Variants in SMARCA2 observed in about 807,000 individuals in gnomAD.
SMARCA2 encodes SWI/SNF-related matrix-associated actin-dependent regulator of chromatin subfamily A member 2.
SMARCA2 carries 61 observed loss-of-function variants against 199.8 expected under a neutral mutation model. The ratio of observed to expected loss-of-function variants is 0.31; its 90% CI spans 0.25 to 0.38. The LOEUF (loss-of-function observed/expected upper bound fraction) is 0.38. Ranked by LOEUF, SMARCA2 falls within the 10% of genes least tolerant of loss-of-function variation. The pLI is 1.00. For missense variants in SMARCA2, 1,344 were observed against 2,012.2 expected (o/e 0.67, Z 6.35); for synonymous variants, 935 against 732.0 (o/e 1.28, Z -4.48).
chr9:2,127,801 G>A (rs1823762348), intron 27 of SMARCA2, among the ~76,000 whole-genome samples: 1 of 152,162 alleles, frequency 6.6e-6, no homozygotes, highest in South Asian at 2.1e-4. Flanking sequence ...TGCCAGTGGT[G>A]TTTTGGTTTC....
chr9:2,060,117 C>CA (rs1820518284), intron 8 of SMARCA2, among the ~76,000 whole-genome samples: 3 of 37,868 alleles, frequency 7.9e-5, no homozygotes, highest in Admixed American at 4.4e-4. Flanking sequence ...AGATCTGTGG[C>CA]CAAAAAAAAA....
intron 27 of SMARCA2, among the ~76,000 whole-genome samples, chr9:2,141,980 A>T (rs1289489214): frequency 6.6e-6 from 1 of 152,060 alleles, no homozygotes; most frequent in East Asian, 1.9e-4. Flanking sequence ...AGGTGATGAG[A>T]CCTGCCCGTG....
intron 32 of SMARCA2, among the ~76,000 whole-genome samples, chr9:2,186,873 T>G (rs1827496265): frequency 6.6e-6 from 1 of 152,160 alleles, no homozygotes; most frequent in Non-Finnish European, 1.5e-5. Context: ...CTACTACACA[T>G]TTTCTACAAC....
intron 19 of SMARCA2, among the ~76,000 whole-genome samples, chr9:2,090,748 C>A (rs561636587): frequency 6.6e-6 from 1 of 151,962 alleles, no homozygotes; most frequent in African/African-American, 2.4e-5. Flanking sequence ...TTCCGGTAGC[C>A]CCCCCACATC....
At chr9:2,095,064 C>T (rs1207487174) in intron 19 of SMARCA2, among the ~76,000 whole-genome samples, 1 of 151,724 alleles carries the variant, frequency 6.6e-6, no homozygotes, top group African/African-American at 2.4e-5. Context: ...ACAATTATAC[C>T]TCAATACAGC....
At chr9:2,157,222 T>C (rs1825413524) in intron 27 of SMARCA2, among the ~76,000 whole-genome samples, 1 of 152,250 alleles carries the variant, frequency 6.6e-6, no homozygotes, top group Admixed American at 6.5e-5. Flanking sequence ...TTTGTTGCCA[T>C]TGCTTTTCTT....
chr9:2,163,723 C>T (rs1825802726), intron 28 of SMARCA2, among the ~76,000 whole-genome samples: 5 of 152,100 alleles, frequency 3.3e-5, no homozygotes, highest in Admixed American at 2.0e-4. Context: ...TCATTACTTG[C>T]TGAGTGAGTC....
intron 27 of SMARCA2, among the ~76,000 whole-genome samples, chr9:2,137,725 A>G (rs13283799): frequency 0.16 from 24,050 of 152,202 alleles, 3,809 homozygotes; most frequent in African/African-American, 0.41. Flanking sequence ...CTTGACTGCT[A>G]TGTCCTGGTA....
At chr9:2,146,282 G>T (rs1468324702) in intron 27 of SMARCA2, among the ~76,000 whole-genome samples, 1 of 152,084 alleles carries the variant, frequency 6.6e-6, no homozygotes, top group Non-Finnish European at 1.5e-5. Context: ...CCTCCCAAAG[G>T]CCCCACCTCC....
intron 1 of SMARCA2, among the ~76,000 whole-genome samples, chr9:2,025,789 T>A (rs1010283494): frequency 6.6e-6 from 1 of 152,196 alleles, no homozygotes; most frequent in African/African-American, 2.4e-5. Flanking sequence ...ACTTGAACTG[T>A]AAAATAAAAT....
At chr9:2,108,471 GTTC>G (rs1355356139) in intron 23 of SMARCA2, among the ~76,000 whole-genome samples, 2 of 152,326 alleles carry the variant, frequency 1.3e-5, no homozygotes, top group East Asian at 3.9e-4. Flanking sequence ...TTATCAGCTG[GTTC>G]ATTTTCAGTT....
intron 9 of SMARCA2, among the ~76,000 whole-genome samples, chr9:2,065,017 T>C (rs574538827): frequency 6.6e-6 from 1 of 152,138 alleles, no homozygotes; most frequent in East Asian, 1.9e-4. Context: ...ACCCCATCTC[T>C]ACTAAAAAAT....
intron 19 of SMARCA2, among the ~76,000 whole-genome samples, chr9:2,096,022 C>T (rs1822260980): frequency 2.6e-5 from 4 of 152,164 alleles, no homozygotes; most frequent in Admixed American, 2.6e-4. Context: ...GGTATTTCAA[C>T]TGGAAGCACA....
chr9:2,138,554 T>G (rs1824316549), intron 27 of SMARCA2, among the ~76,000 whole-genome samples: 1 of 152,232 alleles, frequency 6.6e-6, no homozygotes, highest in African/African-American at 2.4e-5. Context: ...AAGTTGAGCT[T>G]TACCAAGGCT....
intron 27 of SMARCA2, among the ~76,000 whole-genome samples, chr9:2,142,198 C>G (rs1178756885): frequency 2.0e-5 from 3 of 152,180 alleles, no homozygotes; most frequent in African/African-American, 7.2e-5. Context: ...TCTTGGGTGA[C>G]ACTGGACAAT....
At position 2,115,132 on chromosome 9, in the gene SMARCA2, T is replaced by C. The variant is rs1299020639; in HGVS notation, c.3457-690T>C. Among the ~76,000 whole-genome samples, 1 of 134,720 alleles carries C rather than the reference T, an allele frequency of 7.4e-6. No individual in the cohort carries two copies. Among genetic ancestry groups the C allele is most frequent in the Admixed American group, 6.9e-5 (1 of 14,534 alleles). 88.4% of individuals were successfully genotyped at this position (134,720 alleles called of 152,430 possible). On this transcript the variant is annotated intron_variant, in intron 24 of 33. Coordinates refer to ENST00000349721, the MANE Select transcript of SMARCA2 (RefSeq NM_003070.5). The surrounding 1 kb of genome is among the most constrained non-coding windows in gnomAD (Gnocchi z 6.0). The stretch of plus-strand genomic sequence containing the variant: ...ATCTTTGTGCATATCTATGATTATT[T>C]GTTTAGGATACATTTCCGAAGTAAT...
chr9:2,033,288 T>A, intron 3 of SMARCA2: 1 of 515,096 alleles, frequency 1.9e-6, no homozygotes, highest in Non-Finnish European at 3.4e-6. Flanking sequence ...GTCCTAGTAA[T>A]TTTACTAGCC....
intron 28 of SMARCA2, among the ~76,000 whole-genome samples, chr9:2,165,259 TAAG>T (rs1236692112): frequency 2.0e-5 from 3 of 152,244 alleles, no homozygotes; most frequent in Admixed American, 6.5e-5. Flanking sequence ...AACTGATATA[TAAG>T]AAGAATTAAT....
intron 28 of SMARCA2, among the ~76,000 whole-genome samples, chr9:2,166,618 T>A (rs913892384): frequency 1.8e-4 from 27 of 152,216 alleles, no homozygotes; most frequent in African/African-American, 6.5e-4. Context: ...ATGCAAAAAT[T>A]ATGTTTACTA....
Sources: gnomAD v4.1 joint callset for allele counts (sites outside exome capture counted in the v4.1 genomes callset) on GRCh38, gnomAD v4.1.1 for gene constraint, Gnocchi (gnomAD v3.1) non-coding constraint, MANE v1.5 for transcripts, NCBI Gene and HGNC (gene_info 2026-07-23, HGNC 2026-07-21) for gene names.